The following PTPRT variants were observed in gnomAD, a reference collection of about 807,000 sequenced individuals.
The protein encoded by PTPRT is receptor-type tyrosine-protein phosphatase T.
In PTPRT, 56 loss-of-function variants were observed where a neutral mutation model predicts 176.8. That is an observed-to-expected ratio of 0.32 (90% confidence interval 0.26 to 0.40). The LOEUF (loss-of-function observed/expected upper bound fraction) is 0.40, where lower values mean the gene tolerates loss of function less well. Ranked by LOEUF, PTPRT falls within the 10% of genes least tolerant of loss-of-function variation. The pLI is 1.00. For missense variants in PTPRT, 1,540 were observed against 1,908.2 expected (o/e 0.81, Z 3.60); for synonymous variants, 783 against 739.0 (o/e 1.06, Z -0.96).
chr20:42,659,127 C>T (rs11908546), intron 7 of PTPRT, among the ~76,000 whole-genome samples: 11,759 of 151,960 alleles, frequency 0.077, 1,361 homozygotes, highest in African/African-American at 0.26. Flanking sequence ...GCCATTAAGA[C>T]GTGAATACCT....
At chr20:42,961,343 C>T in intron 1 of PTPRT, among the ~76,000 whole-genome samples, 1 of 152,154 alleles carries the variant, frequency 6.6e-6, no homozygotes, top group East Asian at 1.9e-4. Flanking sequence ...ATCCCTCATT[C>T]CAAGCAGACC....
chr20:42,073,232 G>A lies in PTPRT; in HGVS notation c.*7647C>T, dbSNP rs1982460520. 1 of 189,216 alleles carries A rather than the reference G, an allele frequency of 5.3e-6. No homozygotes were observed. The highest frequency in any genetic ancestry group is 1.1e-5 in the Non-Finnish European group (1 of 89,690). The allele number at this position is 189,216 out of a possible 1,614,324, so 11.7% of individuals were successfully genotyped here. A position where few individuals can be genotyped will look rare whatever the true frequency, so the allele number is the denominator to read the frequency against. ...GCTTGTGAGGGTGTCCAGAAGCCAA[G>A]GCAATGGTAGAGGCCACAACTCTTT... On this transcript the variant is annotated 3_prime_UTR_variant, in exon 31 of 31. Coordinates refer to ENST00000373187, the MANE Select transcript of PTPRT (RefSeq NM_007050.6).
At chr20:42,901,274 C>T (rs1489081539) in intron 1 of PTPRT, among the ~76,000 whole-genome samples, 2 of 152,020 alleles carry the variant, frequency 1.3e-5, no homozygotes, top group Admixed American at 1.3e-4. Flanking sequence ...TGGGTCTGTC[C>T]ACCCCAAAAG....
At chr20:42,830,620 T>C (rs115540511) in intron 2 of PTPRT, among the ~76,000 whole-genome samples, 2,981 of 152,074 alleles carry the variant, frequency 0.02, 107 homozygotes, top group African/African-American at 0.069. Context: ...GAGGAAGAAA[T>C]AAAGGGCATC....
intron 8 of PTPRT, among the ~76,000 whole-genome samples, chr20:42,458,957 A>G (rs1419830729): frequency 6.6e-6 from 1 of 152,218 alleles, no homozygotes; most frequent in Non-Finnish European, 1.5e-5. Context: ...GACAGATAAT[A>G]AAACATATAG....
At chr20:42,818,102 C>A (rs568594216) in intron 2 of PTPRT, among the ~76,000 whole-genome samples, 1 of 152,250 alleles carries the variant, frequency 6.6e-6, no homozygotes, top group East Asian at 1.9e-4. Flanking sequence ...ATACCCTATA[C>A]AGGAGCAACC....
At chr20:42,845,448 T>TGTGTGTGACAGA (rs1432163865) in intron 2 of PTPRT, among the ~76,000 whole-genome samples, 1 of 152,212 alleles carries the variant, frequency 6.6e-6, no homozygotes, top group Non-Finnish European at 1.5e-5. Flanking sequence ...AGGGCGTGCA[T>TGTGTGTGACAGA]GTGTTTCTGT....
At chr20:42,799,761 G>A (rs191197060) in intron 2 of PTPRT, among the ~76,000 whole-genome samples, 12 of 152,126 alleles carry the variant, frequency 7.9e-5, no homozygotes, top group African/African-American at 2.2e-4. Context: ...ACACTGCCCC[G>A]TAAGCAAGAA....
rs561724673 is a variant in PTPRT, at chr20:42,087,702, G to A, written c.3847-1849C>T. Among the ~76,000 whole-genome samples, 23 of 150,684 alleles carry A rather than the reference G, an allele frequency of 1.5e-4. 1 individual carries two copies. The East Asian group carries it at 3.0e-3, about 20-fold the overall frequency. On this transcript the variant is annotated intron_variant, in intron 27 of 30. Transcript: ENST00000373187. ...CAGCTTGGCCAAGATGGTGAAACCCGTCTCCACTAAAAATACAAAAATTAG... is the reference window on the plus strand; with the variant it reads ...CAGCTTGGCCAAGATGGTGAAACCCATCTCCACTAAAAATACAAAAATTAG...
chr20:42,738,348 C>G (rs908101188), intron 6 of PTPRT, among the ~76,000 whole-genome samples: 1 of 151,892 alleles, frequency 6.6e-6, no homozygotes, highest in Non-Finnish European at 1.5e-5. Flanking sequence ...TGAGTCTCTA[C>G]TAAAAATACA....
intron 2 of PTPRT, among the ~76,000 whole-genome samples, chr20:42,815,205 C>T (rs6030489): frequency 0.14 from 22,031 of 152,068 alleles, 1,871 homozygotes; most frequent in East Asian, 0.34. Flanking sequence ...AGACATAGCA[C>T]GTTCATTTGC....
At chr20:42,451,886 A>G (rs11906033) in intron 8 of PTPRT, among the ~76,000 whole-genome samples, 21,806 of 152,144 alleles carry the variant, frequency 0.14, 1,724 homozygotes, top group Middle Eastern at 0.19. Context: ...AAAGGAGGGG[A>G]ATTCAAACCA....
intron 1 of PTPRT, among the ~76,000 whole-genome samples, chr20:43,139,965 A>G (rs2013951606): frequency 6.6e-6 from 1 of 152,214 alleles, no homozygotes; most frequent in Non-Finnish European, 1.5e-5. Context: ...TTGCATGAAG[A>G]TAATCCAGAA....
rs189867702 is a variant in PTPRT at position 43,060,621 on chromosome 20, G to C, written c.88+129025C>G. On this transcript the variant is annotated intron_variant, in intron 1 of 30. Transcript: ENST00000373187. ...AGGCACAACAATACATACTTTGCAT[G>C]GTTATTGTGAAGATTGAATGAAATA... Among the ~76,000 whole-genome samples the C allele has an allele frequency of 1.2e-4, 19 of 152,254 alleles. No homozygotes were observed. The East Asian group carries it at 2.3e-3, about 19-fold the overall frequency.
rs553531862 is a variant in PTPRT at position 42,975,286 on chromosome 20, T to C, written c.89-89354A>G. ...CATGAGAGAAGTGCATATGCTATGG[T>C]TACATGGAAAAAAAGGCAAGACACA... On this transcript the variant is annotated intron_variant, in intron 1 of 30. Coordinates refer to ENST00000373187, the MANE Select transcript of PTPRT (RefSeq NM_007050.6). Among the ~76,000 whole-genome samples the C allele has an allele frequency of 3.5e-4, 54 of 152,254 alleles. 1 individual carries two copies. In the South Asian group the frequency reaches 0.011, roughly 31 times the overall value.
chr20:42,585,558 G>A (rs1410893070), intron 7 of PTPRT, among the ~76,000 whole-genome samples: 2 of 152,162 alleles, frequency 1.3e-5, no homozygotes, highest in African/African-American at 4.8e-5. Flanking sequence ...AGTTAACACT[G>A]TATAGCACTT....
At position 42,328,329 on chromosome 20, in the gene PTPRT, G is replaced by A. The variant is rs575967753; in HGVS notation, c.1866-12333C>T. On this transcript the variant is annotated intron_variant, in intron 11 of 30. Transcript: ENST00000373187. ...ACTAGAGCCAGATGGCTTTTCCAAT[G>A]AGTTCTTTCAATCTTCCAGGAATGG... Among the ~76,000 whole-genome samples the A allele has an allele frequency of 3.2e-4, 48 of 152,238 alleles. No individual in the cohort carries two copies. The South Asian group carries it at 7.0e-3, about 22-fold the overall frequency.
At chr20:42,996,345 T>C (rs1399819671) in intron 1 of PTPRT, among the ~76,000 whole-genome samples, 1 of 151,962 alleles carries the variant, frequency 6.6e-6, no homozygotes, top group Non-Finnish European at 1.5e-5. Flanking sequence ...CATTGGCCAA[T>C]ACCCTGCAGC....
At chr20:43,186,041 C>T (rs775322281) in intron 1 of PTPRT, among the ~76,000 whole-genome samples, 32 of 152,204 alleles carry the variant, frequency 2.1e-4, no homozygotes, top group Non-Finnish European at 4.1e-4. Context: ...GCACATACAC[C>T]TGTGCTGAGG....
Sources: gnomAD v4.1 joint callset for allele counts (sites outside exome capture counted in the v4.1 genomes callset) on GRCh38, gnomAD v4.1.1 for gene constraint, MANE v1.5 for transcripts, NCBI Gene and HGNC (gene_info 2026-07-23, HGNC 2026-07-21) for gene names.